Variants in RALYL observed in about 807,000 individuals in gnomAD.
RALYL encodes the protein RALY RNA binding protein like.
Under a neutral mutation model 35.1 loss-of-function variants are expected in RALYL, and 29 were observed. The observed-to-expected ratio is 0.83, with a 90% CI of 0.61 to 1.13. RALYL has a LOEUF of 1.13. RALYL is among the 50% of genes most tolerant of loss of function. The pLI is 0.00. For synonymous variants in RALYL, 120 were observed against 127.6 expected (o/e 0.94, Z 0.40); for missense variants, 359 against 360.4 (o/e 1.00, Z 0.03).
intron 2 of RALYL, among the ~76,000 whole-genome samples, chr8:84,735,811 C>CGAGAGAGAGAGAGAGA (rs59842702): frequency 1.5e-3 from 172 of 111,362 alleles, no homozygotes; most frequent in African/African-American, 4.3e-3. Context: ...ATCCAAACCG[C>CGAGAGAGAGAGAGAGA]GAGAGAGAGA....
At chr8:84,202,083 T>C (rs1230698782) in intron 1 of RALYL, among the ~76,000 whole-genome samples, 1 of 152,152 alleles carries the variant, frequency 6.6e-6, no homozygotes, top group East Asian at 1.9e-4. Context: ...TCACTTTCTT[T>C]TCATTGCTAT....
intron 1 of RALYL, among the ~76,000 whole-genome samples, chr8:84,323,525 CAAAA>C (rs1207497702): frequency 6.6e-6 from 1 of 151,912 alleles, no homozygotes; most frequent in Non-Finnish European, 1.5e-5. Flanking sequence ...CCTTAACAAA[CAAAA>C]AATCATTTCA....
chr8:84,487,634 T>C (rs1439963570), intron 1 of RALYL, among the ~76,000 whole-genome samples: 1 of 152,130 alleles, frequency 6.6e-6, no homozygotes, highest in Non-Finnish European at 1.5e-5. Flanking sequence ...CTCATTCTTT[T>C]ACATATTGTC....
At chr8:84,910,156 A>G (rs1847255465) in intron 8 of RALYL, among the ~76,000 whole-genome samples, 2 of 152,078 alleles carry the variant, frequency 1.3e-5, no homozygotes, top group African/African-American at 2.4e-5. Context: ...AGAGAAAAAC[A>G]TTTTTCATGA....
At chr8:84,386,778 T>G (rs73300739) in intron 1 of RALYL, among the ~76,000 whole-genome samples, 4,518 of 151,956 alleles carry the variant, frequency 0.03, 215 homozygotes, top group African/African-American at 0.1. Flanking sequence ...ATATCACTCT[T>G]TCCTACCTCC....
chr8:84,362,690 C>T (rs892499786), intron 1 of RALYL, among the ~76,000 whole-genome samples: 1 of 152,080 alleles, frequency 6.6e-6, no homozygotes, highest in Non-Finnish European at 1.5e-5. Flanking sequence ...TCTCCCCAAC[C>T]CCTAGTCCAT....
chr8:84,872,929 T>G (rs1233522024), intron 6 of RALYL: 1 of 171,952 alleles, frequency 5.8e-6, no homozygotes, highest in East Asian at 1.6e-4. Flanking sequence ...TGGCATGATT[T>G]AATTATTGCT....
Position 84,693,353 on chromosome 8 carries a change from A to G in RALYL, c.257-81226A>G, listed in dbSNP as rs145631168. Among the ~76,000 whole-genome samples the G allele has an allele frequency of 3.5e-3, 539 of 152,006 alleles. 5 individuals carry two copies. The highest frequency in any genetic ancestry group is 0.013 in the African/African-American group (525 of 41,508). ...AAGCAAACACGTCCTTCTTCACATG[A>G]TGGCAGGAAGAAGAAATGTCAAGCA... is the stretch of plus-strand genomic sequence containing the variant. On this transcript the variant is annotated intron_variant, in intron 2 of 8. Transcript: ENST00000521268.
At chr8:84,329,112 A>C (rs1846355561) in intron 1 of RALYL, among the ~76,000 whole-genome samples, 1 of 151,992 alleles carries the variant, frequency 6.6e-6, no homozygotes, top group Non-Finnish European at 1.5e-5. Flanking sequence ...TTTTTTGGGG[A>C]TATATACTCA....
chr8:84,649,602 G>T (rs555828849), intron 2 of RALYL, among the ~76,000 whole-genome samples: 2 of 152,004 alleles, frequency 1.3e-5, no homozygotes, highest in African/African-American at 4.8e-5. Context: ...GATATGCGGC[G>T]TTATTTCTGA....
intron 8 of RALYL, among the ~76,000 whole-genome samples, chr8:84,916,552 C>G (rs1848517023): frequency 6.6e-6 from 1 of 152,028 alleles, no homozygotes; most frequent in Non-Finnish European, 1.5e-5. Context: ...CAGGCTCTCT[C>G]TTTTTGCCTG....
chr8:84,291,911 A>G (rs1249399634), intron 1 of RALYL, among the ~76,000 whole-genome samples: 1 of 149,326 alleles, frequency 6.7e-6, no homozygotes. Flanking sequence ...TAATATATTC[A>G]TATATATAAT....
intron 1 of RALYL, among the ~76,000 whole-genome samples, chr8:84,338,348 A>G (rs1848195113): frequency 2.0e-5 from 3 of 151,956 alleles, no homozygotes; most frequent in Non-Finnish European, 4.4e-5. Context: ...TGTACTAGGG[A>G]CATGAAAGAA....
chr8:84,297,516 T>C (rs1332949445), intron 1 of RALYL, among the ~76,000 whole-genome samples: 1 of 152,156 alleles, frequency 6.6e-6, no homozygotes, highest in Non-Finnish European at 1.5e-5. Context: ...GTAATGAACA[T>C]GCACATGCAT....
At chr8:84,740,702 T>G (rs1807096950) in intron 2 of RALYL, among the ~76,000 whole-genome samples, 1 of 152,016 alleles carries the variant, frequency 6.6e-6, no homozygotes, top group African/African-American at 2.4e-5. Flanking sequence ...GCGTTATAAC[T>G]CCAGAGGTTA....
intron 1 of RALYL, among the ~76,000 whole-genome samples, chr8:84,407,245 T>G (rs1022563229): frequency 1.3e-5 from 2 of 152,236 alleles, no homozygotes; most frequent in African/African-American, 2.4e-5. Flanking sequence ...GCCTGGCAAA[T>G]GATAAGTACT....
At position 84,608,951 on chromosome 8, in the gene RALYL, A is replaced by G. The variant is rs549500480; in HGVS notation, c.256+79374A>G. On this transcript the variant is annotated intron_variant, in intron 2 of 8. Coordinates refer to ENST00000521268, the MANE Select transcript of RALYL (RefSeq NM_173848.7). ...AATAGGCTTTTTTTTTCTTTTTTGT[A>G]AATGTGGAATCTGAAATCCAGAGAG... Among the ~76,000 whole-genome samples, 8 of 151,952 alleles carry G rather than the reference A, an allele frequency of 5.3e-5. No individual in the cohort carries two copies. In the South Asian group the frequency reaches 1.7e-3, roughly 32 times the overall value.
intron 1 of RALYL, among the ~76,000 whole-genome samples, chr8:84,518,880 A>G (rs1052750846): frequency 3.3e-5 from 5 of 152,206 alleles, no homozygotes; most frequent in Non-Finnish European, 5.9e-5. Flanking sequence ...GAATGGACCT[A>G]TTAACTAGGA....
intron 1 of RALYL, among the ~76,000 whole-genome samples, chr8:84,388,191 C>T (rs551345340): frequency 6.6e-6 from 1 of 152,256 alleles, no homozygotes; most frequent in South Asian, 2.1e-4. Context: ...TTTATGGCTG[C>T]ATAGTATTCC....
Sources: gnomAD v4.1 joint callset for allele counts (sites outside exome capture counted in the v4.1 genomes callset) on GRCh38, gnomAD v4.1.1 for gene constraint, MANE v1.5 for transcripts, NCBI Gene and HGNC (gene_info 2026-07-23, HGNC 2026-07-21) for gene names.